The following STARD8 variants were observed in gnomAD, a reference collection of about 807,000 sequenced individuals.
The protein encoded by STARD8 is StAR related lipid transfer domain containing 8.
A neutral mutation model predicts 69.4 loss-of-function variants in STARD8; 25 were observed. The ratio of observed to expected loss-of-function variants is 0.36; its 90% CI spans 0.26 to 0.50. The LOEUF (loss-of-function observed/expected upper bound fraction) is 0.50, where lower values mean the gene tolerates loss of function less well. STARD8 is among the 20% of genes least tolerant of loss of function. STARD8 has a pLI of 0.96. For synonymous variants in STARD8, 389 were observed against 374.6 expected, an observed-to-expected ratio of 1.04 and a Z score of -0.45; for missense variants, 921 against 932.5, an observed-to-expected ratio of 0.99 and a Z score of 0.16.
rs190560359 is a variant in STARD8 at position 68,661,042 on chromosome X, G to A, written c.46-4457G>A. 4.3e-3 allele frequency among the ~76,000 whole-genome samples: 483 copies of A among 111,926 alleles called. 5 individuals carry two copies. Among genetic ancestry groups the A allele is most frequent in the African/African-American group, 0.015 (468 of 30,791 alleles). ...GGGTCTATGGCACAGGACTGGCTAGGAGTGAGGGGTGGGGATGTTGGAGGT... is the reference window on the plus strand; with the variant it reads ...GGGTCTATGGCACAGGACTGGCTAGAAGTGAGGGGTGGGGATGTTGGAGGT... On this transcript the variant is annotated intron_variant, in intron 1 of 14. Coordinates refer to ENST00000374599, the MANE Select transcript of STARD8 (RefSeq NM_001142503.3).
intron 2 of STARD8, among the ~76,000 whole-genome samples, chrX:68,675,808 G>A (rs1255524489): frequency 1.8e-5 from 2 of 111,711 alleles, no homozygotes; most frequent in African/African-American, 3.3e-5. Context: ...GACCAGATGT[G>A]CTTTCCTTCT....
Position 68,724,079 on chromosome X carries a change from T to C in STARD8, c.3152T>C (p.Leu1051Ser). ...TSQYLMEPCG[L>S]GRSRLTHICR... is the part of the protein sequence containing the mutation. ...CAGTACCTCATGGAGCCTTGCGGCT[T>C]GGGCCGCTCTCGGCTCACACACATC... Residue 1051 changes from leucine to serine, a missense_variant, in exon 14 of 15, where the codon TTG becomes TCG. Coordinates refer to ENST00000374599, the MANE Select transcript of STARD8 (RefSeq NM_001142503.3). 1 of 1,211,610 alleles carries C rather than the reference T, an allele frequency of 8.3e-7. No homozygotes were observed. Among genetic ancestry groups the C allele is most frequent in the Non-Finnish European group, 1.1e-6 (1 of 895,479 alleles).
Position 68,723,991 on chromosome X carries a change from C to G in STARD8, c.3064C>G (p.Gln1022Glu), listed in dbSNP as rs1235047781. Residue 1022 changes from glutamine to glutamate, a missense_variant, in exon 14 of 15, where the codon CAG becomes GAG. Physicochemically the swap from Gln to Glu is conservative, Grantham distance 29. Coordinates refer to ENST00000374599, the MANE Select transcript of STARD8 (RefSeq NM_001142503.3). ...LPRGGCLLVS[Q>E]SLDPEQPVPE... ...TCGTGGGGGTTGCCTGCTTGTCTCC[C>G]AGTCCCTGGATCCGGAACAACCTGT... is the stretch of plus-strand genomic sequence containing the variant. 2 of 1,212,170 alleles carry G rather than the reference C, an allele frequency of 1.6e-6. No homozygotes were observed. Among genetic ancestry groups the G allele is most frequent in the Admixed American group, 4.3e-5 (2 of 46,133 alleles).
chrX:68,649,693 CTATT>C (rs1158699238), intron 1 of STARD8, among the ~76,000 whole-genome samples: 3 of 111,320 alleles, frequency 2.7e-5, no homozygotes, highest in South Asian at 3.8e-4. Context: ...GATTGTTTCC[CTATT>C]TATTTATTTA....
intron 1 of STARD8, among the ~76,000 whole-genome samples, chrX:68,653,505 CAT>C (rs1342927711): frequency 7.7e-4 from 21 of 27,281 alleles, no homozygotes; most frequent in African/African-American, 2.4e-3. Context: ...TCACACACAC[CAT>C]ACACACCACA....
intron 9 of STARD8, 148 bp downstream of exon 9, chrX:68,721,270 C>A: frequency 1.4e-6 from 1 of 729,404 alleles, no homozygotes; most frequent in Non-Finnish European, 2.0e-6. Flanking sequence ...TGGAATGGCC[C>A]TTGCAGAGAG....
chrX:68,689,222 C>T (rs1482356194), intron 2 of STARD8, among the ~76,000 whole-genome samples: 3 of 105,136 alleles, frequency 2.9e-5, no homozygotes, highest in Non-Finnish European at 3.9e-5. Context: ...TGTGCCACTA[C>T]GGTCACCAAG....
At chrX:68,668,242 C>CT (rs1334283216) in intron 2 of STARD8, among the ~76,000 whole-genome samples, 1 of 76,603 alleles carries the variant, frequency 1.3e-5, no homozygotes, top group Non-Finnish European at 2.3e-5. Flanking sequence ...TCTCCTCTTT[C>CT]TTTCTTTCTT....
At chrX:68,655,237 T>A (rs2079604125) in intron 1 of STARD8, among the ~76,000 whole-genome samples, 1 of 112,154 alleles carries the variant, frequency 8.9e-6, no homozygotes, top group African/African-American at 3.3e-5. Flanking sequence ...TGTGTGTGTG[T>A]CTGTCTGTCT....
Position 68,665,862 on chromosome X carries a change from T to G in STARD8, c.79+330T>G, listed in dbSNP as rs189454681. On this transcript the variant is annotated intron_variant, in intron 2 of 14. Coordinates refer to ENST00000374599, the MANE Select transcript of STARD8 (RefSeq NM_001142503.3). ...CAAATGCCTTCTTTCCACTGGGAAG[T>G]GTATTAGGGGTGAGAGATGCCTCAG... 5.2e-4 allele frequency among the ~76,000 whole-genome samples: 58 copies of G among 111,593 alleles called. No individual in the cohort carries two copies. In the East Asian group the frequency reaches 0.015, roughly 29 times the overall value.
Position 68,725,284 on chromosome X carries a change from A to G in STARD8, c.*862A>G, listed in dbSNP as rs184763990. The G allele has an allele frequency of 5.0e-4, 55 of 109,548 alleles. No homozygotes were observed. The highest frequency in any genetic ancestry group is 1.8e-3 in the African/African-American group (55 of 30,083). 9.0% of individuals were successfully genotyped at this position (109,548 alleles called of 1,213,427 possible). ...TGTCATCATCCCTTTTGCTTATGGT[A>G]GTGGGCTAACATAACAGCCCCTTTC... On this transcript the variant is annotated 3_prime_UTR_variant, in exon 15 of 15. Transcript: ENST00000374599.
chrX:68,652,782 CCACA>C (rs1177625062), intron 1 of STARD8, among the ~76,000 whole-genome samples: 33 of 71,086 alleles, frequency 4.6e-4, no homozygotes, highest in African/African-American at 1.4e-3. Flanking sequence ...ACCCCACACA[CCACA>C]CACACACACA....
At chrX:68,664,743 G>C (rs780608046) in intron 1 of STARD8, among the ~76,000 whole-genome samples, 1 of 111,836 alleles carries the variant, frequency 8.9e-6, no homozygotes, top group Non-Finnish European at 1.9e-5. Context: ...CTTATTTATT[G>C]TTTGTCTCTT....
chrX:68,652,597 C>T (rs998691875), intron 1 of STARD8, among the ~76,000 whole-genome samples: 1 of 111,004 alleles, frequency 9.0e-6, no homozygotes, highest in African/African-American at 3.3e-5. Context: ...GCATCCATGG[C>T]CCCTTGGTAC....
intron 1 of STARD8, among the ~76,000 whole-genome samples, chrX:68,649,395 A>G (rs138652575): frequency 0.017 from 1,882 of 109,118 alleles, 42 homozygotes; most frequent in African/African-American, 0.06. Context: ...AGCAGAGACT[A>G]CTTCCCAAAG....
intron 2 of STARD8, among the ~76,000 whole-genome samples, chrX:68,698,762 G>T (rs183286297): frequency 9.0e-6 from 1 of 111,344 alleles, no homozygotes; most frequent in African/African-American, 3.3e-5. Flanking sequence ...GCTTTCTCTC[G>T]GTGAGTGATT....
chrX:68,653,086 C>A (rs1000378524), intron 1 of STARD8, among the ~76,000 whole-genome samples: 1 of 11,097 alleles, frequency 9.0e-5, no homozygotes, highest in Non-Finnish European at 1.6e-4. Context: ...CACACCACAC[C>A]ACACACCACA....
chrX:68,683,935 T>C (rs1165788363), intron 2 of STARD8, among the ~76,000 whole-genome samples: 2 of 112,373 alleles, frequency 1.8e-5, no homozygotes, highest in South Asian at 3.7e-4. Flanking sequence ...CCACTGCCAC[T>C]TATGAGCAAT....
intron 1 of STARD8, among the ~76,000 whole-genome samples, chrX:68,660,968 G>A (rs1410332328): frequency 8.9e-6 from 1 of 112,121 alleles, no homozygotes; most frequent in Non-Finnish European, 1.9e-5. Flanking sequence ...GAAGGCTGGG[G>A]GAGGCTGGAA....
Sources: gnomAD v4.1 joint callset for allele counts (sites outside exome capture counted in the v4.1 genomes callset) on GRCh38, gnomAD v4.1.1 for gene constraint, MANE v1.5 for transcripts, NCBI Gene and HGNC (gene_info 2026-07-23, HGNC 2026-07-21) for gene names.